Variants in CUBN observed in about 807,000 individuals in gnomAD.
CUBN encodes 460 kDa receptor.
A neutral mutation model predicts 405.3 loss-of-function variants in CUBN; 282 were observed. The observed-to-expected ratio is 0.70, with a 90% confidence interval of 0.63 to 0.77. The LOEUF (loss-of-function observed/expected upper bound fraction) is 0.77, where lower values mean the gene tolerates loss of function less well. Among genes scored for constraint, CUBN ranks in the 30% least tolerant of loss-of-function variants. CUBN has a pLI of 0.00. For synonymous variants in CUBN, 1,684 were observed against 1,617.0 expected (o/e 1.04, Z -0.99); for missense variants, 4,514 against 4,475.2 (o/e 1.01, Z -0.25).
intron 31 of CUBN, among the ~76,000 whole-genome samples, chr10:16,982,248 A>C (rs889558741): frequency 2.0e-5 from 3 of 152,228 alleles, no homozygotes; most frequent in African/African-American, 4.8e-5. Context: ...AAAAGCCAAC[A>C]GGCTAATAAT....
At chr10:17,028,232 ATT>A (rs1834714698) in intron 27 of CUBN, among the ~76,000 whole-genome samples, 1 of 70,796 alleles carries the variant, frequency 1.4e-5, no homozygotes. Flanking sequence ...AACATTTATT[ATT>A]ATTATTATTA....
intron 45 of CUBN, among the ~76,000 whole-genome samples, chr10:16,916,538 A>T: frequency 6.6e-6 from 1 of 152,282 alleles, no homozygotes; most frequent in African/African-American, 2.4e-5. Context: ...TTACTATTCA[A>T]TTATGTCTTA....
rs753702854 is a variant in CUBN at position 16,874,367 on chromosome 10, T to TA, written c.9236+6dup. The TA allele has an allele frequency of 6.2e-7, 1 of 1,614,144 alleles. No homozygotes were observed. Among genetic ancestry groups the TA allele is most frequent in the South Asian group, 1.1e-5 (1 of 91,076 alleles). ...TTTTCTTAAGAAAGCCAATTTGTCTTACGTACTTGAGCTCGATCACCTTGT... is the reference window on the plus strand; with the variant it reads ...TTTTCTTAAGAAAGCCAATTTGTCTTAACGTACTTGAGCTCGATCACCTTGT... On this transcript the variant is annotated splice_region_variant and intron_variant, in intron 58 of 66. Coordinates refer to ENST00000377833, the MANE Select transcript of CUBN (RefSeq NM_001081.4).
intron 17 of CUBN, among the ~76,000 whole-genome samples, chr10:17,083,780 A>T (rs927493715): frequency 1.3e-5 from 2 of 152,188 alleles, no homozygotes; most frequent in Admixed American, 6.5e-5. Flanking sequence ...CAACACTTTA[A>T]TTTGTGGCTT....
intron 28 of CUBN, among the ~76,000 whole-genome samples, chr10:16,997,843 T>C (rs183461574): frequency 1.9e-3 from 294 of 152,280 alleles, no homozygotes; most frequent in Non-Finnish European, 3.4e-3. Context: ...GTGATAGGCA[T>C]CTGTCCTACT....
intron 31 of CUBN, among the ~76,000 whole-genome samples, chr10:16,959,755 T>C (rs181842483): frequency 1.1e-4 from 17 of 152,308 alleles, no homozygotes; most frequent in South Asian, 6.2e-4. Context: ...TCTAAAGTCA[T>C]AAAAATTATC....
At chr10:16,879,203 G>GCT (rs1266843585) in intron 56 of CUBN, among the ~76,000 whole-genome samples, 5 of 152,204 alleles carry the variant, frequency 3.3e-5, no homozygotes, top group African/African-American at 4.8e-5. Flanking sequence ...GACTTCCAGT[G>GCT]CTCTGCAGGG....
intron 28 of CUBN, among the ~76,000 whole-genome samples, chr10:17,003,388 C>A (rs997086711): frequency 6.6e-6 from 1 of 152,122 alleles, no homozygotes; most frequent in Admixed American, 6.5e-5. Flanking sequence ...TGTGAACCTG[C>A]GCTAGAATCT....
At chr10:16,841,143 A>G in intron 60 of CUBN, 96 bp from the exon 61 acceptor site, 3 of 951,506 alleles carry the variant, frequency 3.2e-6, no homozygotes, top group Non-Finnish European at 4.9e-6. Flanking sequence ...GTCACGGTAA[A>G]CATTTTTACA....
At chr10:16,838,353 C>G (rs183809417) in intron 62 of CUBN, among the ~76,000 whole-genome samples, 1 of 152,296 alleles carries the variant, frequency 6.6e-6, no homozygotes, top group East Asian at 1.9e-4. Context: ...TTGACCATGA[C>G]ATTTTACTGG....
intron 27 of CUBN, among the ~76,000 whole-genome samples, chr10:17,032,362 T>C (rs545604108): frequency 2.6e-5 from 4 of 152,280 alleles, no homozygotes; most frequent in East Asian, 3.9e-4. Context: ...AGATCACAGC[T>C]GGTAAAGAGC....
chr10:17,107,629 C>G (rs1169110392), intron 10 of CUBN, among the ~76,000 whole-genome samples: 3 of 151,602 alleles, frequency 2.0e-5, no homozygotes, highest in Non-Finnish European at 4.4e-5. Context: ...TCCCGAGTAG[C>G]TGGGACTACA....
chr10:16,854,396 T>C (rs1839810451), intron 59 of CUBN, among the ~76,000 whole-genome samples: 1 of 152,188 alleles, frequency 6.6e-6, no homozygotes, highest in African/African-American at 2.4e-5. Flanking sequence ...CTTTGGCTAA[T>C]GGGATTCAGT....
At chr10:17,035,618 G>C (rs1834878395) in intron 27 of CUBN, among the ~76,000 whole-genome samples, 1 of 152,126 alleles carries the variant, frequency 6.6e-6, no homozygotes, top group Non-Finnish European at 1.5e-5. Context: ...TGAATTCATG[G>C]GTGCATAGTT....
At chr10:17,033,124 A>G (rs934241302) in intron 27 of CUBN, among the ~76,000 whole-genome samples, 3 of 151,786 alleles carry the variant, frequency 2.0e-5, no homozygotes, top group Admixed American at 1.3e-4. Flanking sequence ...TCCTTGAAAG[A>G]CCTCCTGCTG....
intron 4 of CUBN, among the ~76,000 whole-genome samples, chr10:17,124,214 T>G (rs1023926466): frequency 6.6e-6 from 1 of 152,134 alleles, no homozygotes; most frequent in Non-Finnish European, 1.5e-5. Flanking sequence ...GTTAGAAATG[T>G]GGCCAGCTAA....
At chr10:17,096,381 A>G (rs1187342099) in intron 14 of CUBN, among the ~76,000 whole-genome samples, 1 of 152,134 alleles carries the variant, frequency 6.6e-6, no homozygotes, top group Non-Finnish European at 1.5e-5. Context: ...CAAAATATCA[A>G]AACATTACAT....
At chr10:17,113,988 C>G in intron 8 of CUBN, 39 bp downstream of exon 8, 1 of 1,604,182 alleles carries the variant, frequency 6.2e-7, no homozygotes, top group Non-Finnish European at 8.5e-7. Flanking sequence ...CCTCGCCAAC[C>G]TGGCATGCAG....
intron 22 of CUBN, among the ~76,000 whole-genome samples, chr10:17,056,353 G>T (rs560165674): frequency 6.6e-6 from 1 of 152,288 alleles, no homozygotes; most frequent in East Asian, 1.9e-4. Flanking sequence ...GCTCACGCCT[G>T]TAATTCCAGC....
Sources: gnomAD v4.1 joint callset for allele counts (sites outside exome capture counted in the v4.1 genomes callset) on GRCh38, gnomAD v4.1.1 for gene constraint, MANE v1.5 for transcripts, NCBI Gene and HGNC (gene_info 2026-07-23, HGNC 2026-07-21) for gene names.